The following SLC2A13 variants were observed in gnomAD, a reference collection of about 807,000 sequenced individuals.
SLC2A13 encodes the protein proton myo-inositol cotransporter.
In SLC2A13, 32 loss-of-function variants were observed where a neutral mutation model predicts 64.4. The observed-to-expected ratio is 0.50, with a 90% CI of 0.37 to 0.67. SLC2A13 has a LOEUF of 0.67. Ranked by LOEUF, SLC2A13 falls within the 30% of genes least tolerant of loss-of-function variation. The pLI is 0.00. For synonymous variants in SLC2A13, 338 were observed against 327.1 expected (o/e 1.03, Z -0.36); for missense variants, 743 against 829.2 (o/e 0.90, Z 1.28).
intron 7 of SLC2A13, among the ~76,000 whole-genome samples, chr12:39,774,445 T>C (rs1290479844): frequency 6.6e-6 from 1 of 152,202 alleles, no homozygotes; most frequent in Non-Finnish European, 1.5e-5. Flanking sequence ...TAAACTTATG[T>C]CAAGGGTGGC....
intron 7 of SLC2A13, among the ~76,000 whole-genome samples, chr12:39,815,989 T>C (rs1017290038): frequency 3.3e-5 from 5 of 152,224 alleles, no homozygotes; most frequent in African/African-American, 1.2e-4. Flanking sequence ...TTCAATTAGA[T>C]GTTCAAGTCT....
intron 4 of SLC2A13, among the ~76,000 whole-genome samples, chr12:39,931,680 T>C (rs553342469): frequency 7.2e-5 from 11 of 152,286 alleles, no homozygotes; most frequent in African/African-American, 2.6e-4. Flanking sequence ...TGGAAAATGA[T>C]TCCCAATTTC....
chr12:40,038,495 CA>C (rs945108799), intron 2 of SLC2A13, among the ~76,000 whole-genome samples: 4 of 152,012 alleles, frequency 2.6e-5, no homozygotes, highest in African/African-American at 9.7e-5. Context: ...AATGCCAGCC[CA>C]AAGTGGGTGG....
intron 3 of SLC2A13, among the ~76,000 whole-genome samples, chr12:39,969,529 T>A (rs1230024524): frequency 2.0e-5 from 3 of 152,246 alleles, no homozygotes; most frequent in Non-Finnish European, 4.4e-5. Flanking sequence ...GTGGTTTTGA[T>A]TTGCATTTCT....
chr12:39,761,252 T>G (rs528296601), intron 9 of SLC2A13, among the ~76,000 whole-genome samples: 2 of 126,214 alleles, frequency 1.6e-5, no homozygotes, highest in African/African-American at 5.0e-5. Flanking sequence ...TTAAGTAAAA[T>G]AAGGGGGCTT....
At chr12:40,078,908 G>C (rs930466533) in intron 1 of SLC2A13, among the ~76,000 whole-genome samples, 1 of 152,032 alleles carries the variant, frequency 6.6e-6, no homozygotes, top group Non-Finnish European at 1.5e-5. Flanking sequence ...AGGTTTTCTA[G>C]TTGGTGTGCA....
chr12:39,762,600 T>C (rs1197944618), intron 9 of SLC2A13, among the ~76,000 whole-genome samples: 1 of 152,008 alleles, frequency 6.6e-6, no homozygotes. Context: ...AATTTTGAGA[T>C]CTTATGAAAC....
rs201778629 is a variant in SLC2A13 at position 39,816,583 on chromosome 12, TA to T, written c.1445+13519del. On this transcript the variant is annotated intron_variant, in intron 7 of 9. Transcript: ENST00000280871. ...ACCCTAGAACTTACTTAAAGTATAATAAAAAAAAAGAAAGAAAAATCAAGGG... is the reference window on the plus strand; with the variant it reads ...ACCCTAGAACTTACTTAAAGTATAATAAAAAAAAGAAAGAAAAATCAAGGG... 2.0e-3 allele frequency among the ~76,000 whole-genome samples: 257 copies of T among 129,118 alleles called. 2 individuals carry two copies. The highest frequency in any genetic ancestry group is 5.9e-3 in the African/African-American group (219 of 37,226). The allele number at this position is 129,118 out of a possible 152,430, so 84.7% of individuals were successfully genotyped here.
chr12:40,078,211 C>T (rs147074277), intron 1 of SLC2A13, among the ~76,000 whole-genome samples: 394 of 152,278 alleles, frequency 2.6e-3, no homozygotes, highest in African/African-American at 9.1e-3. Flanking sequence ...TGAGATTGGG[C>T]ATCCTTGTCT....
At chr12:39,900,580 T>G (rs1345221208) in intron 4 of SLC2A13, among the ~76,000 whole-genome samples, 5 of 151,978 alleles carry the variant, frequency 3.3e-5, no homozygotes, top group African/African-American at 1.2e-4. Flanking sequence ...AGTGAACTCC[T>G]ATTCACAATT....
intron 3 of SLC2A13, among the ~76,000 whole-genome samples, chr12:39,976,775 A>G (rs1027104372): frequency 2.6e-5 from 4 of 152,180 alleles, no homozygotes; most frequent in African/African-American, 9.7e-5. Flanking sequence ...AATATTTTAT[A>G]TAAGATGTTT....
chr12:40,099,527 T>C (rs954347376), intron 1 of SLC2A13, among the ~76,000 whole-genome samples: 1 of 152,196 alleles, frequency 6.6e-6, no homozygotes, highest in South Asian at 2.1e-4. Flanking sequence ...TTACTTTAAG[T>C]TTATAATCCA....
In SLC2A13 at chr12:39,805,514, G is replaced by GT. The variant is rs10714045; in HGVS notation, c.1445+24588dup. 2.7e-5 allele frequency among the ~76,000 whole-genome samples: 4 copies of GT among 149,280 alleles called. No homozygotes were observed. The South Asian group carries it at 8.4e-4, about 31-fold the overall frequency. ...GTCTCTTAGGTTAATGCCTCTGTTG[G>GT]TTTTTTTTTTTTCCCCAGAGACTTT... is the stretch of plus-strand genomic sequence containing the variant. On this transcript the variant is annotated intron_variant, in intron 7 of 9. Coordinates refer to ENST00000280871, the MANE Select transcript of SLC2A13 (RefSeq NM_052885.4).
intron 7 of SLC2A13, among the ~76,000 whole-genome samples, chr12:39,808,797 G>T (rs1043896871): frequency 1.3e-5 from 2 of 151,966 alleles, no homozygotes; most frequent in Non-Finnish European, 2.9e-5. Flanking sequence ...TAAGTTGTAA[G>T]AATTCTTTAT....
At chr12:39,863,298 T>C (rs1367066635) in intron 6 of SLC2A13, among the ~76,000 whole-genome samples, 1 of 152,154 alleles carries the variant, frequency 6.6e-6, no homozygotes, top group East Asian at 1.9e-4. Flanking sequence ...TATTTTTATT[T>C]AAACTTTAAA....
intron 5 of SLC2A13, among the ~76,000 whole-genome samples, chr12:39,866,862 C>T (rs1943925450): frequency 6.6e-6 from 1 of 152,114 alleles, no homozygotes. Flanking sequence ...CACAGCAAGC[C>T]TTCAAAATAA....
intron 7 of SLC2A13, among the ~76,000 whole-genome samples, chr12:39,789,174 C>A (rs1941290226): frequency 6.6e-6 from 1 of 151,938 alleles, no homozygotes; most frequent in African/African-American, 2.4e-5. Flanking sequence ...TCCCTTGGCC[C>A]CAGAGATAAT....
intron 7 of SLC2A13, among the ~76,000 whole-genome samples, chr12:39,794,035 A>C (rs1426987254): frequency 8.1e-5 from 12 of 148,462 alleles, no homozygotes; most frequent in African/African-American, 3.0e-4. Context: ...GTTCTCTGAT[A>C]CTGAGAAAGT....
intron 7 of SLC2A13, among the ~76,000 whole-genome samples, chr12:39,821,912 ATATTATTAATTTTTT>A (rs1466555282): frequency 1.3e-5 from 2 of 152,216 alleles, no homozygotes; most frequent in East Asian, 3.9e-4. Flanking sequence ...AATGAAAAGA[ATATTATTAATTTTTT>A]TATTATTATA....
Sources: gnomAD v4.1 joint callset for allele counts (sites outside exome capture counted in the v4.1 genomes callset) on GRCh38, gnomAD v4.1.1 for gene constraint, MANE v1.5 for transcripts, NCBI Gene and HGNC (gene_info 2026-07-23, HGNC 2026-07-21) for gene names.